Variants in FAM151B observed in about 807,000 individuals in gnomAD.
FAM151B encodes the protein family with sequence similarity 151 member B.
In FAM151B, 24 loss-of-function variants were observed where a neutral mutation model predicts 31.2. The observed-to-expected ratio is 0.77, with a 90% CI of 0.56 to 1.08. The LOEUF is 1.08. FAM151B is among the 50% of genes least tolerant of loss of function. The pLI, the probability that FAM151B is intolerant of heterozygous loss-of-function variation, is 0.00. For synonymous variants in FAM151B, 105 were observed against 111.4 expected (o/e 0.94, Z 0.36); for missense variants, 293 against 328.6 (o/e 0.89, Z 0.84).
intron 5 of FAM151B, among the ~76,000 whole-genome samples, chr5:80,540,813 G>T (rs891668028): frequency 2.0e-5 from 3 of 152,136 alleles, no homozygotes; most frequent in African/African-American, 7.2e-5. Context: ...ACTTTCCTCT[G>T]TTGTATTTCC....
At position 80,513,673 on chromosome 5, in the gene FAM151B, T is replaced by C. The variant is rs780535078; in HGVS notation, c.221T>C (p.Met74Thr). The stretch of plus-strand genomic sequence containing the variant: ...GGATCAGAACACAGCCAGCCAATTA[T>C]GGCCCATCCCCCTGAAACAAACAGT... Reference protein sequence around the residue: ...SDGSEHSQPIMAHPPETNSDN... With the variant: ...SDGSEHSQPITAHPPETNSDN... The change falls in exon 3 of 6, where the codon ATG becomes ACG. Residue 74 changes from methionine to threonine, a missense_variant. By Grantham distance (81) the Met-to-Thr change is moderately conservative (BLOSUM62 -1). Coordinates refer to ENST00000282226, the MANE Select transcript of FAM151B (RefSeq NM_205548.3). 3.1e-6 allele frequency: 5 copies of C among 1,614,050 alleles called. No homozygotes were observed. Among genetic ancestry groups the C allele is most frequent in the Non-Finnish European group, 4.2e-6 (5 of 1,180,042 alleles).
At chr5:80,488,516 G>T (rs1743196739) in intron 1 of FAM151B, among the ~76,000 whole-genome samples, 1 of 152,364 alleles carries the variant, frequency 6.6e-6, no homozygotes, top group African/African-American at 2.4e-5. Flanking sequence ...AAAGCTGGGG[G>T]AGGTTTGGGA....
At chr5:80,529,844 T>G (rs1490923820) in intron 5 of FAM151B, among the ~76,000 whole-genome samples, 1 of 152,170 alleles carries the variant, frequency 6.6e-6, no homozygotes, top group Non-Finnish European at 1.5e-5. Flanking sequence ...TTGAAACTAT[T>G]CCAATCAATA....
intron 5 of FAM151B, among the ~76,000 whole-genome samples, chr5:80,528,346 A>C (rs34691034): frequency 0.12 from 18,876 of 152,100 alleles, 1,441 homozygotes; most frequent in Middle Eastern, 0.24. Context: ...ACAAACTGGC[A>C]GGGGTAAGTC....
At chr5:80,488,665 A>G (rs1322298491) in intron 1 of FAM151B, among the ~76,000 whole-genome samples, 3 of 152,220 alleles carry the variant, frequency 2.0e-5, no homozygotes, top group Non-Finnish European at 4.4e-5. Context: ...CTTGAAGGTT[A>G]CAGTATCTTT....
intron 1 of FAM151B, among the ~76,000 whole-genome samples, chr5:80,492,611 T>C (rs1743372155): frequency 6.6e-6 from 1 of 152,180 alleles, no homozygotes; most frequent in Non-Finnish European, 1.5e-5. Flanking sequence ...TAGAATGGGC[T>C]CTAAGTGTTT....
chr5:80,496,284 A>T (rs890556450), intron 1 of FAM151B, among the ~76,000 whole-genome samples: 1 of 152,210 alleles, frequency 6.6e-6, no homozygotes, highest in Non-Finnish European at 1.5e-5. Flanking sequence ...AGCCATCAAC[A>T]TTGAGGCAAG....
At chr5:80,512,941 G>A (rs923894942) in intron 2 of FAM151B, among the ~76,000 whole-genome samples, 3 of 151,944 alleles carry the variant, frequency 2.0e-5, no homozygotes, top group Non-Finnish European at 4.4e-5. Context: ...TTCAAAATTC[G>A]AGATTATGGC....
intron 5 of FAM151B, among the ~76,000 whole-genome samples, chr5:80,524,503 GT>G (rs1744866925): frequency 6.6e-6 from 1 of 151,808 alleles, no homozygotes; most frequent in South Asian, 2.1e-4. Context: ...CATTTTACTG[GT>G]TTTGAGAATC....
chr5:80,494,484 C>CT (rs1216097889), intron 1 of FAM151B, among the ~76,000 whole-genome samples: 4 of 142,260 alleles, frequency 2.8e-5, no homozygotes, highest in Admixed American at 7.1e-5. Flanking sequence ...TTCTTTCTTT[C>CT]TTTCTTTCTT....
chr5:80,499,633 A>T (rs1743671020), intron 1 of FAM151B, among the ~76,000 whole-genome samples: 1 of 151,924 alleles, frequency 6.6e-6, no homozygotes, highest in Admixed American at 6.6e-5. Context: ...CAGCTTTTAA[A>T]TATCTGCTTT....
At chr5:80,522,329 A>G in intron 5 of FAM151B, 191 bp downstream of exon 5, 1 of 491,318 alleles carries the variant, frequency 2.0e-6, no homozygotes, top group Non-Finnish European at 3.4e-6. Context: ...AACTTACTTA[A>G]CATCGTATAT....
At chr5:80,533,893 C>A in intron 5 of FAM151B, among the ~76,000 whole-genome samples, 1 of 151,014 alleles carries the variant, frequency 6.6e-6, no homozygotes, top group African/African-American at 2.4e-5. Context: ...ACAGAGAATC[C>A]AAATAAATAA....
chr5:80,533,887 A>G (rs1277645353), intron 5 of FAM151B, among the ~76,000 whole-genome samples: 5 of 152,158 alleles, frequency 3.3e-5, no homozygotes, highest in African/African-American at 7.2e-5. Context: ...GAAAAAACAG[A>G]GAATCCAAAT....
chr5:80,494,035 C>G (rs1329116001), intron 1 of FAM151B, among the ~76,000 whole-genome samples: 1 of 152,172 alleles, frequency 6.6e-6, no homozygotes, highest in Non-Finnish European at 1.5e-5. Context: ...TACTCTTTCT[C>G]TTTATTTCTC....
chr5:80,514,097 G>A lies in FAM151B; in HGVS notation c.317+328G>A, dbSNP rs190210147. Among the ~76,000 whole-genome samples, 273 of 152,268 alleles carry A rather than the reference G, an allele frequency of 1.8e-3. 3 individuals are homozygous for A. Among genetic ancestry groups the A allele is most frequent in the Non-Finnish European group, 2.2e-3 (149 of 68,020 alleles). ...GGAGAAATTCATTGAGCTAGTTAAT[G>A]CATACCCTATTTGATTTATGTTATT... On this transcript the variant is annotated intron_variant, in intron 3 of 5. Transcript: ENST00000282226.
At chr5:80,506,194 T>C in intron 2 of FAM151B, 1 of 838,464 alleles carries the variant, frequency 1.2e-6, no homozygotes, top group Non-Finnish European at 1.4e-6. Context: ...ATTGCTCCCA[T>C]GGTGGGCAAG....
chr5:80,523,117 A>G (rs1032250516), intron 5 of FAM151B, among the ~76,000 whole-genome samples: 2 of 152,186 alleles, frequency 1.3e-5, no homozygotes, highest in East Asian at 1.9e-4. Context: ...CAGTAAATGC[A>G]TAAAGAATAA....
Position 80,519,808 on chromosome 5 carries a change from A to G in FAM151B, c.433A>G (p.Ile145Val), listed in dbSNP as rs1744618660. 2 of 1,614,064 alleles carry G rather than the reference A, an allele frequency of 1.2e-6. No individual in the cohort carries two copies. The highest frequency in any genetic ancestry group is 2.2e-5 in the South Asian group (2 of 91,096). The change falls in exon 4 of 6, where the codon ATA (isoleucine) becomes GTA (valine). Residue 145 changes from isoleucine to valine, a missense_variant. Physicochemically the swap from Ile to Val is conservative, Grantham distance 29. Coordinates refer to ENST00000282226, the MANE Select transcript of FAM151B (RefSeq NM_205548.3). ...LPGPNGNSKV[I>V]DAKPFLDTVI... ...TGGTCCAAATGGAAATAGCAAAGTA[A>G]TAGATGCAAAACCATTTTTAGACAC... is the stretch of plus-strand genomic sequence containing the variant.
Sources: gnomAD v4.1 joint callset for allele counts (sites outside exome capture counted in the v4.1 genomes callset) on GRCh38, gnomAD v4.1.1 for gene constraint, MANE v1.5 for transcripts, NCBI Gene and HGNC (gene_info 2026-07-23, HGNC 2026-07-21) for gene names.